CEP170: variants seen among roughly 807,000 people sequenced by gnomAD.
The protein encoded by CEP170 is centrosomal protein of 170 kDa.
Under a neutral mutation model 151.9 loss-of-function variants are expected in CEP170, and 21 were observed. That is an observed-to-expected ratio of 0.14 (90% confidence interval 0.10 to 0.20). The LOEUF (loss-of-function observed/expected upper bound fraction) is 0.20, where lower values mean the gene tolerates loss of function less well. CEP170 is among the 10% of genes least tolerant of loss of function. CEP170 has a pLI of 1.00. For missense variants in CEP170, 964 were observed against 1,892.9 expected (o/e 0.51, Z 9.11); for synonymous variants, 356 against 648.8 (o/e 0.55, Z 6.86).
At chr1:243,250,017 G>A (rs2065791829) in intron 1 of CEP170, among the ~76,000 whole-genome samples, 1 of 152,196 alleles carries the variant, frequency 6.6e-6, no homozygotes, top group Non-Finnish European at 1.5e-5. Context: ...GTTGTAGTAA[G>A]CCGAGACTGA....
chr1:243,153,802 G>A (rs1056228839), intron 14 of CEP170, among the ~76,000 whole-genome samples: 10 of 152,078 alleles, frequency 6.6e-5, no homozygotes, highest in Admixed American at 4.6e-4. Flanking sequence ...TACTATCTTC[G>A]AGGTGTTACT....
At chr1:243,189,148 C>G (rs1471634999) in intron 8 of CEP170, among the ~76,000 whole-genome samples, 9 of 152,164 alleles carry the variant, frequency 5.9e-5, no homozygotes, top group Non-Finnish European at 8.8e-5. Flanking sequence ...CTTAAAAGAT[C>G]TAATCATTAA....
chr1:243,164,697 T>C lies in CEP170; in HGVS notation c.3263A>G (p.Lys1088Arg). Residue 1088 changes from lysine (K) to arginine (R), a missense_variant, in exon 13 of 20, where the codon AAA becomes AGA. By Grantham distance (26) the Lys-to-Arg change is conservative. Transcript: ENST00000366542. ...TCGTGGCCTTGGAAGGGTGGTTGAT[T>C]TACTAGATGAACCAGATACCACCGG... ...TSPVVSGSSS[K>R]STTLPRPRPT... is the part of the protein sequence containing the mutation. The C allele has an allele frequency of 1.2e-6, 2 of 1,613,708 alleles. No individual in the cohort carries two copies. The highest frequency in any genetic ancestry group is 1.7e-6 in the Non-Finnish European group (2 of 1,179,680).
At chr1:243,252,318 TAAGA>T (rs1382360370) in intron 1 of CEP170, among the ~76,000 whole-genome samples, 1 of 152,138 alleles carries the variant, frequency 6.6e-6, no homozygotes, top group Non-Finnish European at 1.5e-5. Context: ...TTGGGACAGA[TAAGA>T]AAGAAAAGTC....
At chr1:243,235,322 A>G (rs971079857) in intron 1 of CEP170, among the ~76,000 whole-genome samples, 1 of 152,196 alleles carries the variant, frequency 6.6e-6, no homozygotes, top group African/African-American at 2.4e-5. Context: ...ATATTCAAAA[A>G]TTCAGCTCTG....
chr1:243,173,395 G>T (rs923227969), intron 10 of CEP170, among the ~76,000 whole-genome samples: 1 of 151,270 alleles, frequency 6.6e-6, no homozygotes, highest in Admixed American at 6.6e-5. Flanking sequence ...TTTAGCAAAT[G>T]TCCTGTTCGA....
intron 1 of CEP170, among the ~76,000 whole-genome samples, chr1:243,231,994 C>T (rs1201649372): frequency 6.6e-6 from 1 of 151,898 alleles, no homozygotes; most frequent in South Asian, 2.1e-4. Flanking sequence ...CAAGGTCTGG[C>T]TCTCTATTGC....
chr1:243,173,342 G>A (rs1169353300), intron 10 of CEP170, among the ~76,000 whole-genome samples: 2 of 151,822 alleles, frequency 1.3e-5, no homozygotes, highest in African/African-American at 4.8e-5. Context: ...TTACAGGCAT[G>A]AGCCAACATG....
chr1:243,255,715 G>A (rs868413691), upstream of CEP170, among the ~76,000 whole-genome samples: 6 of 152,356 alleles, frequency 3.9e-5, no homozygotes, highest in Middle Eastern at 0.01. Context: ...CTGCATATTA[G>A]CAAATTTCGA....
intron 14 of CEP170, among the ~76,000 whole-genome samples, chr1:243,149,661 AC>A (rs1572254073): frequency 6.6e-6 from 1 of 152,200 alleles, no homozygotes; most frequent in Non-Finnish European, 1.5e-5. Context: ...AAAACAAAAA[AC>A]ATTTTGGTAT....
intron 4 of CEP170, among the ~76,000 whole-genome samples, chr1:243,210,190 T>C (rs2061688605): frequency 6.6e-6 from 1 of 152,224 alleles, no homozygotes; most frequent in Admixed American, 6.5e-5. Flanking sequence ...AATAGTATAC[T>C]ATTGTGTAAA....
intron 10 of CEP170, among the ~76,000 whole-genome samples, chr1:243,184,959 A>G (rs2059848863): frequency 1.3e-5 from 2 of 152,182 alleles, no homozygotes; most frequent in African/African-American, 4.8e-5. Flanking sequence ...AATTCAAACA[A>G]AAGATTAACG....
intron 1 of CEP170, among the ~76,000 whole-genome samples, chr1:243,243,522 A>G (rs948057588): frequency 4.6e-5 from 7 of 151,258 alleles, no homozygotes; most frequent in Admixed American, 1.3e-4. Flanking sequence ...TTATTTATTT[A>G]TTTATTTATT....
At chr1:243,240,799 T>A (rs998060207) in intron 1 of CEP170, among the ~76,000 whole-genome samples, 2 of 152,142 alleles carry the variant, frequency 1.3e-5, no homozygotes, top group Admixed American at 6.6e-5. Context: ...TTCAAGTGAT[T>A]CTCCTGCCTC....
Position 243,239,260 on chromosome 1 carries a change from A to G in CEP170, c.-41-13939T>C, listed in dbSNP as rs764928255. Among the ~76,000 whole-genome samples, 88 of 152,250 alleles carry G rather than the reference A, an allele frequency of 5.8e-4. 2 individuals carry two copies. The highest frequency in any genetic ancestry group is 9.0e-4 in the Non-Finnish European group (61 of 67,992). On this transcript the variant is annotated intron_variant, in intron 1 of 19. Coordinates refer to ENST00000366542, the MANE Select transcript of CEP170 (RefSeq NM_014812.3). Reference sequence around the variant, plus strand: ...TCTTAGCGAATGGCATCACCAACTGACCAGATATTTTCTCTCCCACTCCCG... The same window carrying G: ...TCTTAGCGAATGGCATCACCAACTGGCCAGATATTTTCTCTCCCACTCCCG...
intron 14 of CEP170, among the ~76,000 whole-genome samples, chr1:243,155,233 A>G (rs2148453095): frequency 6.6e-6 from 1 of 152,362 alleles, no homozygotes; most frequent in East Asian, 1.9e-4. Flanking sequence ...AAGCGATGAC[A>G]AGTGAATAGT....
intron 8 of CEP170, among the ~76,000 whole-genome samples, chr1:243,189,319 G>A (rs2060130768): frequency 6.6e-6 from 1 of 152,126 alleles, no homozygotes. Context: ...CACTTTGGGA[G>A]GCTAAGGTGG....
At chr1:243,196,974 TG>T (rs937633066) in intron 7 of CEP170, among the ~76,000 whole-genome samples, 1 of 152,096 alleles carries the variant, frequency 6.6e-6, no homozygotes, top group African/African-American at 2.4e-5. Context: ...CAACTGGTAA[TG>T]GGACGTAAGG....
rs749788360 is a variant in CEP170, at chr1:243,199,166, T to C, written c.525A>G (p.Pro175=). 6.2e-7 allele frequency: 1 copy of C among 1,611,768 alleles called. No homozygotes were observed. The highest frequency in any genetic ancestry group is 8.5e-7 in the Non-Finnish European group (1 of 1,178,648). Residue 175 remains proline (P), a synonymous_variant, in exon 7 of 20, where the codon CCA becomes CCG. Coordinates refer to ENST00000366542, the MANE Select transcript of CEP170 (RefSeq NM_014812.3). ...CCCACCATGACGGCTGCCCATATAATGGAGTACCACGGGGCATAGCAGAAA... is the reference window on the plus strand; with the variant it reads ...CCCACCATGACGGCTGCCCATATAACGGAGTACCACGGGGCATAGCAGAAA... The part of the protein sequence containing the change: ...MDISAMPRGT[P]LYGQPSWWGD...
Sources: allele counts gnomAD v4.1 joint callset (sites outside exome capture counted in the v4.1 genomes callset), GRCh38; gene constraint gnomAD v4.1.1; transcripts MANE v1.5; gene names NCBI Gene and HGNC (gene_info 2026-07-23, HGNC 2026-07-21).